The following TOP1MT variants were observed in gnomAD, a reference collection of about 807,000 sequenced individuals.
TOP1MT encodes the protein DNA topoisomerase I mitochondrial.
A neutral mutation model predicts 73.9 loss-of-function variants in TOP1MT; 80 were observed. The observed-to-expected ratio is 1.08, with a 90% CI of 0.90 to 1.30. TOP1MT has a LOEUF of 1.30. TOP1MT is among the 50% of genes most tolerant of loss of function. The probability of loss-of-function intolerance (pLI) is 0.00; values close to 1 mark genes in which losing one functional copy is unlikely to be tolerated. For synonymous variants in TOP1MT, 338 were observed against 326.4 expected, an observed-to-expected ratio of 1.04 and a Z score of -0.38; for missense variants, 815 against 808.0, an observed-to-expected ratio of 1.01 and a Z score of -0.10.
chr8:143,317,521 GGTCCCGAGAGCCAGAA>G (rs1220299321), intron 10 of TOP1MT, among the ~76,000 whole-genome samples, 186 bp downstream of exon 10: 1 of 152,200 alleles, frequency 6.6e-6, no homozygotes. Context: ...GGATGCCTGG[GGTCCCGAGAGCCAGAA>G]CCTCCCTCCT....
Position 143,324,625 on chromosome 8 carries a change from A to G in TOP1MT, c.676T>C (p.Ser226Pro). 2 of 1,612,890 alleles carry G rather than the reference A, an allele frequency of 1.2e-6. No homozygotes were observed. Among genetic ancestry groups the G allele is most frequent in the Non-Finnish European group, 1.7e-6 (2 of 1,179,706 alleles). Reference sequence around the variant, plus strand: ...CCCGCCGGCGGCTCGGGGATCTTCGAGTCCCTGCAGCAGAACAACGACCCA... The same window carrying G: ...CCCGCCGGCGGCTCGGGGATCTTCGGGTCCCTGCAGCAGAACAACGACCCA... ...EDVVINCSRDSKIPEPPAGHQ... is the reference protein window; with the variant it reads ...EDVVINCSRDPKIPEPPAGHQ... Residue 226 changes from serine to proline, a missense_variant, in exon 6 of 14, where the codon TCG becomes CCG. Physicochemically the swap from Ser to Pro is moderately conservative, Grantham distance 74. Coordinates refer to ENST00000329245, the MANE Select transcript of TOP1MT (RefSeq NM_052963.3).
chr8:143,326,896 A>G (rs535580181), intron 3 of TOP1MT, among the ~76,000 whole-genome samples: 3 of 152,350 alleles, frequency 2.0e-5, no homozygotes, highest in African/African-American at 7.2e-5. Flanking sequence ...GGCTGGGATC[A>G]GGGTCCCAGC....
At chr8:143,355,298 T>C (rs1489111298) in intron 1 of TOP1MT, 1 of 152,132 alleles carries the variant, frequency 6.6e-6, no homozygotes, top group Non-Finnish European at 1.5e-5. Context: ...ACGACACAAT[T>C]AGCTCAAACG....
At chr8:143,353,661 G>A (rs1270449615) in intron 1 of TOP1MT, among the ~76,000 whole-genome samples, 1 of 152,106 alleles carries the variant, frequency 6.6e-6, no homozygotes, top group Non-Finnish European at 1.5e-5. Context: ...ATGCTGGTGG[G>A]AATGTAAAAC....
chr8:143,340,618 T>C (rs1184324325), intron 2 of TOP1MT, among the ~76,000 whole-genome samples: 1 of 152,196 alleles, frequency 6.6e-6, no homozygotes, highest in Non-Finnish European at 1.5e-5. Flanking sequence ...AGTCACCCTT[T>C]GCCCCAGGGC....
At chr8:143,330,289 C>T (rs1032473268) in intron 2 of TOP1MT, among the ~76,000 whole-genome samples, 5 of 152,198 alleles carry the variant, frequency 3.3e-5, no homozygotes, top group African/African-American at 9.6e-5. Context: ...AAGCAGTCCT[C>T]GCCTGCCATG....
intron 1 of TOP1MT, among the ~76,000 whole-genome samples, chr8:143,353,960 T>TC (rs1563775627): frequency 1.4e-4 from 4 of 29,544 alleles, no homozygotes; most frequent in East Asian, 1.2e-3. Context: ...AGAGACTCCA[T>TC]CCCAAAAAAA....
intron 1 of TOP1MT, among the ~76,000 whole-genome samples, chr8:143,350,776 C>A (rs1465179303): frequency 6.6e-6 from 1 of 152,196 alleles, no homozygotes; most frequent in Non-Finnish European, 1.5e-5. Flanking sequence ...CTTTTTGGTT[C>A]TCTTTTTATT....
intron 8 of TOP1MT, among the ~76,000 whole-genome samples, 158 bp from the exon 9 acceptor site, chr8:143,318,244 C>T (rs568790916): frequency 2.4e-4 from 36 of 152,330 alleles, no homozygotes; most frequent in Admixed American, 2.2e-3. Flanking sequence ...TCCCGTGACA[C>T]GGCCCCCACC....
chr8:143,336,168 TG>T (rs1247457306), upstream of TOP1MT, among the ~76,000 whole-genome samples: 1 of 152,258 alleles, frequency 6.6e-6, no homozygotes, highest in Non-Finnish European at 1.5e-5. Context: ...TTTGATTTTT[TG>T]TTTTTTACTT....
upstream of TOP1MT, among the ~76,000 whole-genome samples, chr8:143,359,630 G>C (rs950292053): frequency 6.6e-6 from 1 of 151,748 alleles, no homozygotes; most frequent in Admixed American, 6.6e-5. Flanking sequence ...CACAAAAGGA[G>C]GGCCCATGGA....
At position 143,321,323 on chromosome 8, in the gene TOP1MT, A is replaced by C. The variant is rs774603909; in HGVS notation, c.1024T>G (p.Ser342Ala). ...GEAADTVGCC[S>A]LRVEHVQLHP... ...AGCTGGACGTGCTCCACGCGGAGGG[A>C]ACAGCAGCCCACGGTGTCGGCCGCC... is the stretch of plus-strand genomic sequence containing the variant. The change falls in exon 8 of 14, where the codon TCC (serine) becomes GCC (alanine). Residue 342 changes from serine (S) to alanine (A), a missense_variant. Coordinates refer to ENST00000329245, the MANE Select transcript of TOP1MT (RefSeq NM_052963.3). 6.2e-7 allele frequency: 1 copy of C among 1,607,960 alleles called. No individual in the cohort carries two copies. Among genetic ancestry groups the C allele is most frequent in the Non-Finnish European group, 8.5e-7 (1 of 1,175,604 alleles).
upstream of TOP1MT, among the ~76,000 whole-genome samples, chr8:143,347,304 G>C (rs1003925746): frequency 1.3e-5 from 2 of 152,104 alleles, no homozygotes; most frequent in Admixed American, 6.6e-5. Flanking sequence ...ACAGGTGCCC[G>C]CCACCATGCC....
intron 2 of TOP1MT, among the ~76,000 whole-genome samples, chr8:143,342,362 CTGT>C (rs1187583663): frequency 2.2e-5 from 3 of 134,910 alleles, no homozygotes; most frequent in Non-Finnish European, 4.5e-5. Context: ...GAGTCTCGCT[CTGT>C]TATTATTATT....
At chr8:143,321,893 AGG>A (rs1197372704) in intron 7 of TOP1MT, among the ~76,000 whole-genome samples, 2 of 80,364 alleles carry the variant, frequency 2.5e-5, no homozygotes, top group African/African-American at 4.4e-5. Context: ...CGCCACACAC[AGG>A]CACGCCACAC....
upstream of TOP1MT, chr8:143,359,299 C>G: frequency 1.0e-6 from 1 of 985,102 alleles, no homozygotes; most frequent in Non-Finnish European, 1.2e-6. Flanking sequence ...GCAAAGCGAT[C>G]CAGGAGAAGG....
At chr8:143,358,630 C>T (rs1027098132), upstream of TOP1MT, 2 of 152,338 alleles carry the variant, frequency 1.3e-5, no homozygotes, top group African/African-American at 4.8e-5. Flanking sequence ...TGGGCCCCGA[C>T]TGTCTCCCAT....
Position 143,317,732 on chromosome 8 carries a change from G to A in TOP1MT, c.1321C>T (p.Leu441=). 1.2e-6 allele frequency: 2 copies of A among 1,613,702 alleles called. No individual in the cohort carries two copies. Among genetic ancestry groups the A allele is most frequent in the Non-Finnish European group, 1.7e-6 (2 of 1,179,908 alleles). The part of the protein sequence containing the change: ...SITLQEQLRA[L]TRAEDSIAAK... ...TGTGGGGCAGGCTCACCGCGCGTCA[G>A]GGCCCGCAGCTGCTCCTGCAGAGTG... The change falls in exon 10 of 14, where the codon CTG becomes TTG. Residue 441 remains leucine, a synonymous_variant. Coordinates refer to ENST00000329245, the MANE Select transcript of TOP1MT (RefSeq NM_052963.3).
At chr8:143,312,455 G>A (rs946403528) in intron 12 of TOP1MT, among the ~76,000 whole-genome samples, 4 of 151,982 alleles carry the variant, frequency 2.6e-5, no homozygotes, top group African/African-American at 7.3e-5. Context: ...ATATAAGGAA[G>A]GGACAAAAAC....
Sources: allele counts gnomAD v4.1 joint callset (sites outside exome capture counted in the v4.1 genomes callset), GRCh38; gene constraint gnomAD v4.1.1; transcripts MANE v1.5; gene names NCBI Gene and HGNC (gene_info 2026-07-23, HGNC 2026-07-21).